The following ANKRD13C variants were observed in gnomAD, a reference collection of about 807,000 sequenced individuals.
ANKRD13C encodes ankyrin repeat domain-containing protein 13C.
In ANKRD13C, 16 loss-of-function variants were observed where a neutral mutation model predicts 65.5. That is an observed-to-expected ratio of 0.24 (90% CI 0.17 to 0.37). The LOEUF is 0.37. ANKRD13C is among the 10% of genes least tolerant of loss of function. The pLI is 1.00. For missense variants in ANKRD13C, 503 were observed against 655.9 expected, an observed-to-expected ratio of 0.77 and a Z score of 2.55; for synonymous variants, 235 against 238.7, an observed-to-expected ratio of 0.98 and a Z score of 0.14.
intron 11 of ANKRD13C, among the ~76,000 whole-genome samples, chr1:70,271,895 C>A (rs1316486754): frequency 1.3e-5 from 2 of 152,090 alleles, no homozygotes; most frequent in African/African-American, 2.4e-5. Context: ...TTTTGTCCTC[C>A]ATATCTATTG....
chr1:70,271,437 C>T (rs1428652662), intron 11 of ANKRD13C, among the ~76,000 whole-genome samples: 1 of 152,142 alleles, frequency 6.6e-6, no homozygotes, highest in Non-Finnish European at 1.5e-5. Context: ...GCTATAATTT[C>T]TTTCATCTTT....
At chr1:70,267,007 C>G (rs1678657303) in intron 12 of ANKRD13C, among the ~76,000 whole-genome samples, 1 of 152,120 alleles carries the variant, frequency 6.6e-6, no homozygotes, top group Admixed American at 6.5e-5. Flanking sequence ...GTTGTTATAT[C>G]AATTGTTGAG....
chr1:70,276,300 T>C (rs1679131469), intron 10 of ANKRD13C, among the ~76,000 whole-genome samples: 1 of 152,102 alleles, frequency 6.6e-6, no homozygotes, highest in South Asian at 2.1e-4. Flanking sequence ...CAGTGAGAAG[T>C]AGTCTAGCAT....
At chr1:70,269,915 G>C (rs1406368222) in intron 12 of ANKRD13C, among the ~76,000 whole-genome samples, 2 of 152,144 alleles carry the variant, frequency 1.3e-5, no homozygotes, top group Non-Finnish European at 2.9e-5. Flanking sequence ...TAAATACTGA[G>C]TGGTTGAATT....
chr1:70,317,302 T>TA (rs1028772643), intron 3 of ANKRD13C, among the ~76,000 whole-genome samples: 2 of 152,184 alleles, frequency 1.3e-5, no homozygotes, highest in African/African-American at 4.8e-5. Flanking sequence ...CTCGGTGACC[T>TA]AAATCAATAA....
intron 3 of ANKRD13C, among the ~76,000 whole-genome samples, chr1:70,320,812 C>T (rs1197531791): frequency 6.7e-6 from 1 of 150,366 alleles, no homozygotes; most frequent in African/African-American, 2.4e-5. Context: ...TTTTTTTAGA[C>T]AGGGTCTCAC....
chr1:70,271,985 TC>T (rs1203869160), intron 11 of ANKRD13C, among the ~76,000 whole-genome samples: 1 of 152,162 alleles, frequency 6.6e-6, no homozygotes, highest in Non-Finnish European at 1.5e-5. Flanking sequence ...TCGATTCTGT[TC>T]ATTATTGTTT....
chr1:70,317,522 T>C (rs1183401453), intron 3 of ANKRD13C, among the ~76,000 whole-genome samples: 2 of 152,286 alleles, frequency 1.3e-5, no homozygotes, highest in East Asian at 1.9e-4. Flanking sequence ...AAAGTTCTGA[T>C]AGTCTAAGAT....
chr1:70,299,336 G>GCT (rs941796024), intron 7 of ANKRD13C, among the ~76,000 whole-genome samples: 1 of 152,176 alleles, frequency 6.6e-6, no homozygotes, highest in African/African-American at 2.4e-5. Flanking sequence ...ACCATGCCGT[G>GCT]CTAAGGAGAT....
intron 6 of ANKRD13C, among the ~76,000 whole-genome samples, chr1:70,305,166 T>C (rs952260705): frequency 2.6e-5 from 4 of 152,128 alleles, no homozygotes; most frequent in African/African-American, 9.7e-5. Context: ...CCAAATTCTA[T>C]TGCTTAAGGA....
chr1:70,335,478 A>G lies in ANKRD13C; in HGVS notation c.472+580T>C, dbSNP rs371153602. Among the ~76,000 whole-genome samples, 62 of 151,906 alleles carry G rather than the reference A, an allele frequency of 4.1e-4. No individual in the cohort carries two copies. In the East Asian group the frequency reaches 5.6e-3, roughly 14 times the overall value. The stretch of plus-strand genomic sequence containing the variant: ...AAAATCTAGTACTCAAAGCATTGCT[A>G]TTCAGCTATCTAAAATCCTCACTTT... On this transcript the variant is annotated intron_variant, in intron 2 of 12. Transcript: ENST00000370944.
At chr1:70,352,119 C>CACG (rs1682765683) in intron 1 of ANKRD13C, among the ~76,000 whole-genome samples, 1 of 151,830 alleles carries the variant, frequency 6.6e-6, no homozygotes, top group Non-Finnish European at 1.5e-5. Context: ...GCGGGCAGAT[C>CACG]ACGAGGTCAG....
chr1:70,338,113 A>G (rs952318393), intron 1 of ANKRD13C, among the ~76,000 whole-genome samples: 1 of 152,132 alleles, frequency 6.6e-6, no homozygotes, highest in African/African-American at 2.4e-5. Flanking sequence ...AAAAAAAAAG[A>G]AAAGCATCTT....
At chr1:70,314,843 G>A (rs935037504) in intron 4 of ANKRD13C, among the ~76,000 whole-genome samples, 3 of 151,774 alleles carry the variant, frequency 2.0e-5, no homozygotes, top group Non-Finnish European at 4.4e-5. Flanking sequence ...GAAATACAGA[G>A]AAGAGAGTAA....
At chr1:70,281,696 T>C (rs1679398749) in intron 9 of ANKRD13C, among the ~76,000 whole-genome samples, 1 of 150,470 alleles carries the variant, frequency 6.6e-6, no homozygotes, top group African/African-American at 2.4e-5. Flanking sequence ...TGAGTCACCA[T>C]GCCCGGGTTA....
chr1:70,326,161 G>A (rs12146132), intron 2 of ANKRD13C, among the ~76,000 whole-genome samples: 10,548 of 147,760 alleles, frequency 0.071, 478 homozygotes, highest in South Asian at 0.2. Flanking sequence ...AACCCGGGAG[G>A]TGGAGGTTGC....
chr1:70,314,856 A>G (rs772478130), intron 4 of ANKRD13C, among the ~76,000 whole-genome samples: 134 of 152,298 alleles, frequency 8.8e-4, no homozygotes, highest in Non-Finnish European at 1.7e-3. Flanking sequence ...GAGAGTAACA[A>G]TAGAAAACAA....
At position 70,260,741 on chromosome 1, in the gene ANKRD13C, A is replaced by T. The variant is rs965193476; in HGVS notation, c.*1976T>A. On this transcript the variant is annotated 3_prime_UTR_variant, in exon 13 of 13. Coordinates refer to ENST00000370944, the MANE Select transcript of ANKRD13C (RefSeq NM_030816.5). ...GTTTCTACCATTCTTTAAAGAAAAAAGCTTTAAAAACAAAATTCAAGTGCA... is the reference window on the plus strand; with the variant it reads ...GTTTCTACCATTCTTTAAAGAAAAATGCTTTAAAAACAAAATTCAAGTGCA... 6.6e-6 allele frequency: 1 copy of T among 152,142 alleles called. No homozygotes were observed. The highest frequency in any genetic ancestry group is 2.4e-5 in the African/African-American group (1 of 41,428). The allele number at this position is 152,142 out of a possible 1,614,324, so 9.4% of individuals were successfully genotyped here. A position where few individuals can be genotyped will look rare whatever the true frequency, so the allele number is the denominator to read the frequency against.
chr1:70,326,842 A>C (rs1176684458), intron 2 of ANKRD13C, among the ~76,000 whole-genome samples: 1 of 152,042 alleles, frequency 6.6e-6, no homozygotes, highest in East Asian at 1.9e-4. Context: ...AGCATCAAAA[A>C]GAATAATGGC....
Sources: gnomAD v4.1 joint callset for allele counts (sites outside exome capture counted in the v4.1 genomes callset) on GRCh38, gnomAD v4.1.1 for gene constraint, MANE v1.5 for transcripts, NCBI Gene and HGNC (gene_info 2026-07-23, HGNC 2026-07-21) for gene names.